The following USP46 variants were observed in gnomAD, a reference collection of about 807,000 sequenced individuals.
USP46 encodes ubiquitin carboxyl-terminal hydrolase 46.
Under a neutral mutation model 44.4 loss-of-function variants are expected in USP46, and 12 were observed. The observed-to-expected ratio is 0.27, with a 90% CI of 0.17 to 0.44. USP46 has a LOEUF of 0.44. Among genes scored for constraint, USP46 ranks in the 20% least tolerant of loss-of-function variants. USP46 has a pLI of 1.00. For synonymous variants in USP46, 155 were observed against 161.5 expected (o/e 0.96, Z 0.31); for missense variants, 248 against 444.8 (o/e 0.56, Z 3.98).
In USP46 at chr4:52,626,269, T is replaced by C. The variant is rs1344258255; in HGVS notation, c.332-22A>G. On this transcript the variant is annotated intron_variant, in intron 3 of 8. Transcript: ENST00000441222. Reference sequence around the variant, plus strand: ...AGATCTGGAAAGGAGAAGGTGGTTATTTCAGTCTCTGGTTCTTGAAAAGCA... The same window carrying C: ...AGATCTGGAAAGGAGAAGGTGGTTACTTCAGTCTCTGGTTCTTGAAAAGCA... 5.0e-6 allele frequency: 8 copies of C among 1,588,856 alleles called. No individual in the cohort carries two copies. The African/African-American group carries it at 9.5e-5, about 19-fold the overall frequency.
At chr4:52,640,634 C>T (rs1276070820) in intron 1 of USP46, among the ~76,000 whole-genome samples, 1 of 151,346 alleles carries the variant, frequency 6.6e-6, no homozygotes, top group Non-Finnish European at 1.5e-5. Context: ...AACTCTGTCT[C>T]TACTTAAAAA....
chr4:52,622,329 C>T (rs1038968769), intron 4 of USP46, among the ~76,000 whole-genome samples: 3 of 152,122 alleles, frequency 2.0e-5, no homozygotes, highest in Admixed American at 6.5e-5. Flanking sequence ...CACACATATA[C>T]TTCTTTAAAA....
chr4:52,627,551 T>C (rs1399021679), intron 3 of USP46, among the ~76,000 whole-genome samples: 3 of 152,232 alleles, frequency 2.0e-5, no homozygotes, highest in Admixed American at 6.5e-5. Context: ...TCTGATTAGA[T>C]AACAGGCACT....
intron 4 of USP46, among the ~76,000 whole-genome samples, chr4:52,618,210 C>A (rs1717240266): frequency 6.6e-6 from 1 of 151,880 alleles, no homozygotes; most frequent in African/African-American, 2.4e-5. Context: ...ATAGTGAGGC[C>A]CAGACTCTAC....
rs4865391 is a variant in USP46, at chr4:52,598,226, A to C, written c.999+402T>G. Among the ~76,000 whole-genome samples, 1,405 of 152,354 alleles carry C rather than the reference A, an allele frequency of 9.2e-3. 17 individuals are homozygous for C. Among genetic ancestry groups the C allele is most frequent in the African/African-American group, 0.032 (1,334 of 41,582 alleles). Reference sequence around the variant, plus strand: ...ATATAAAGATTTCCAGATCCAACAGACTGAATAAAATATTTTAAACAATAA... The same window carrying C: ...ATATAAAGATTTCCAGATCCAACAGCCTGAATAAAATATTTTAAACAATAA... On this transcript the variant is annotated intron_variant, in intron 8 of 8. Transcript: ENST00000441222.
intron 4 of USP46, among the ~76,000 whole-genome samples, chr4:52,622,376 G>A (rs1270185103): frequency 3.9e-5 from 6 of 151,936 alleles, no homozygotes; most frequent in Admixed American, 1.3e-4. Flanking sequence ...ATAATTTCAA[G>A]ACTTACCAGT....
intron 1 of USP46, among the ~76,000 whole-genome samples, chr4:52,641,214 C>T (rs988234473): frequency 6.6e-6 from 1 of 152,070 alleles, no homozygotes; most frequent in Non-Finnish European, 1.5e-5. Flanking sequence ...GAACAAAGTA[C>T]CGATCTTGGG....
chr4:52,634,345 C>G (rs1373680070), intron 1 of USP46, among the ~76,000 whole-genome samples: 1 of 150,108 alleles, frequency 6.7e-6, no homozygotes, highest in Non-Finnish European at 1.5e-5. Context: ...CCTGTCTCTA[C>G]TAAAAATACA....
At position 52,596,514 on chromosome 4, in the gene USP46, T is replaced by C. The variant is rs1716247317; in HGVS notation, c.*1126A>G. ...AGCCAAAGAAACAGCGCCATTTTGT[T>C]CATTCCTCCCCCTGCCCACGGACAC... On this transcript the variant is annotated 3_prime_UTR_variant, in exon 9 of 9. Transcript: ENST00000441222. 1 of 152,268 alleles carries C rather than the reference T, an allele frequency of 6.6e-6. No individual in the cohort carries two copies. The highest frequency in any genetic ancestry group is 1.5e-5 in the Non-Finnish European group (1 of 68,080). 9.4% of individuals were successfully genotyped at this position (152,268 alleles called of 1,614,324 possible).
In USP46 at chr4:52,595,529, G is replaced by A. The variant is rs1716194988; in HGVS notation, c.*2111C>T. 1 of 152,092 alleles carries A rather than the reference G, an allele frequency of 6.6e-6. No individual in the cohort carries two copies. The highest frequency in any genetic ancestry group is 1.5e-5 in the Non-Finnish European group (1 of 68,010). 9.4% of individuals were successfully genotyped at this position (152,092 alleles called of 1,614,324 possible). On this transcript the variant is annotated 3_prime_UTR_variant, in exon 9 of 9. Coordinates refer to ENST00000441222, the MANE Select transcript of USP46 (RefSeq NM_022832.4). ...TATCCATGAATGCTGAATTTTAACTGACTCTTTCTATTAAAAGGAATTACT... is the reference window on the plus strand; with the variant it reads ...TATCCATGAATGCTGAATTTTAACTAACTCTTTCTATTAAAAGGAATTACT...
intron 1 of USP46, among the ~76,000 whole-genome samples, chr4:52,633,014 G>GA (rs1577684535): frequency 7.2e-6 from 1 of 138,206 alleles, no homozygotes; most frequent in African/African-American, 2.7e-5. Context: ...AAGAAAGAAA[G>GA]AAAGAAAGAA....
rs555929102 is a variant in USP46 at position 52,613,813 on chromosome 4, T to G, written c.562-3196A>C. On this transcript the variant is annotated intron_variant, in intron 4 of 8. Transcript: ENST00000441222. ...TCAATGTTCTGAATAAGATCTAAAT[T>G]TACACTATGTGACAAATGTCTTACC... is the stretch of plus-strand genomic sequence containing the variant. Among the ~76,000 whole-genome samples, 39 of 152,066 alleles carry G rather than the reference T, an allele frequency of 2.6e-4. No homozygotes were observed. In the South Asian group the frequency reaches 7.3e-3, roughly 28 times the overall value.
At position 52,632,980 on chromosome 4, in the gene USP46, GAAAGAAAAGAAAAGAAAGAAAGAAAGAAA is replaced by G. The variant is rs1717942018; in HGVS notation, c.37-1865_37-1837del. On this transcript the variant is annotated intron_variant, in intron 1 of 8. Coordinates refer to ENST00000441222, the MANE Select transcript of USP46 (RefSeq NM_022832.4). ...AGAAAGAAAGAAAGAAAGAAAGAAA[GAAAGAAAAGAAAAGAAAGAAAGAAAGAAA>G]GAAAGAAAGAAAGAAAGAAAAAGAA... 1.1e-3 allele frequency among the ~76,000 whole-genome samples: 78 copies of G among 71,470 alleles called. 1 individual carries two copies. The highest frequency in any genetic ancestry group is 5.4e-3 in the African/African-American group (77 of 14,160). The allele number at this position is 71,470 out of a possible 152,430, so 46.9% of individuals were successfully genotyped here.
chr4:52,658,847 C>G (rs1719059828), intron 1 of USP46, among the ~76,000 whole-genome samples: 2 of 152,120 alleles, frequency 1.3e-5, no homozygotes, highest in South Asian at 4.1e-4. Flanking sequence ...CACCGCAACC[C>G]GAGGGCGGGG....
intron 1 of USP46, among the ~76,000 whole-genome samples, chr4:52,644,642 C>A (rs1282697072): frequency 6.6e-6 from 1 of 151,902 alleles, no homozygotes; most frequent in African/African-American, 2.4e-5. Flanking sequence ...AAAACCATCC[C>A]CAGCTCTGCC....
chr4:52,652,351 T>C (rs1718799297), intron 1 of USP46, among the ~76,000 whole-genome samples: 1 of 152,192 alleles, frequency 6.6e-6, no homozygotes, highest in South Asian at 2.1e-4. Context: ...AAGAAGACGA[T>C]CAAATTCCTT....
chr4:52,609,054 T>A (rs1019922295), intron 5 of USP46, among the ~76,000 whole-genome samples: 7 of 152,182 alleles, frequency 4.6e-5, no homozygotes, highest in African/African-American at 7.2e-5. Flanking sequence ...AAAACATCTT[T>A]CTTTCTCAGT....
chr4:52,640,867 G>A (rs1718313385), intron 1 of USP46, among the ~76,000 whole-genome samples: 2 of 148,488 alleles, frequency 1.3e-5, no homozygotes, highest in Admixed American at 6.7e-5. Context: ...GTAAACAAAT[G>A]TCCTGCAAAC....
intron 7 of USP46, among the ~76,000 whole-genome samples, chr4:52,599,541 C>T (rs1716378386): frequency 1.3e-5 from 2 of 152,024 alleles, no homozygotes; most frequent in Admixed American, 1.3e-4. Context: ...GTTGTATGAT[C>T]TATGCTTTAG....
Sources: allele counts gnomAD v4.1 joint callset (sites outside exome capture counted in the v4.1 genomes callset), GRCh38; gene constraint gnomAD v4.1.1; transcripts MANE v1.5; gene names NCBI Gene and HGNC (gene_info 2026-07-23, HGNC 2026-07-21).